PPP1R13B: variants seen among roughly 807,000 people sequenced by gnomAD.
The protein encoded by PPP1R13B is protein phosphatase 1 regulatory subunit 13B.
In PPP1R13B, 44 loss-of-function variants were observed where a neutral mutation model predicts 119.8. That is an observed-to-expected ratio of 0.37 (90% CI 0.29 to 0.47). The LOEUF (loss-of-function observed/expected upper bound fraction) is 0.47, where lower values mean the gene tolerates loss of function less well. Ranked by LOEUF, PPP1R13B falls within the 20% of genes least tolerant of loss-of-function variation. The probability of loss-of-function intolerance (pLI) is 0.99; values close to 1 mark genes in which losing one functional copy is unlikely to be tolerated. For synonymous variants in PPP1R13B, 542 were observed against 561.5 expected, an observed-to-expected ratio of 0.97 and a Z score of 0.49; for missense variants, 1,227 against 1,413.5, an observed-to-expected ratio of 0.87 and a Z score of 2.12.
chr14:103,784,119 T>C (rs964122975), intron 3 of PPP1R13B, among the ~76,000 whole-genome samples: 1 of 152,132 alleles, frequency 6.6e-6, no homozygotes, highest in Non-Finnish European at 1.5e-5. Flanking sequence ...GAGGTTGCAG[T>C]GAGCTGAGAT....
intron 11 of PPP1R13B, among the ~76,000 whole-genome samples, chr14:103,741,450 G>A (rs532627994): frequency 1.3e-5 from 2 of 152,292 alleles, no homozygotes; most frequent in Admixed American, 6.5e-5. Context: ...CACCCTCTAC[G>A]CACTGGACAG....
intron 8 of PPP1R13B, 127 bp downstream of exon 8, chr14:103,749,667 G>A (rs925965201): frequency 1.0e-6 from 1 of 965,180 alleles, no homozygotes; most frequent in Non-Finnish European, 1.5e-6. Flanking sequence ...CATTTTTGAT[G>A]GTTTATGGCC....
Position 103,746,291 on chromosome 14 carries a change from T to TGGGGGGGGGGGGGGGGGGGG in PPP1R13B, c.1150+81_1150+82insCCCCCCCCCCCCCCCCCCCC. 36 of 272,098 alleles carry TGGGGGGGGGGGGGGGGGGGG rather than the reference T, an allele frequency of 1.3e-4. 6 individuals carry two copies. The highest frequency in any genetic ancestry group is 2.6e-4 in the Non-Finnish European group (35 of 133,688). The allele number at this position is 272,098 out of a possible 1,614,324, so 16.9% of individuals were successfully genotyped here. On this transcript the variant is annotated intron_variant, in intron 9 of 16. Coordinates refer to ENST00000202556, the MANE Select transcript of PPP1R13B (RefSeq NM_015316.3). ...TGTGTGGGGCAGAGCCTCAGGAGCC[T>TGGGGGGGGGGGGGGGGGGGG]GCCCCACCCCCCGCCCCTCCACCGC...
At chr14:103,792,409 C>T (rs2085645291) in intron 2 of PPP1R13B, among the ~76,000 whole-genome samples, 1 of 152,106 alleles carries the variant, frequency 6.6e-6, no homozygotes, top group African/African-American at 2.4e-5. Context: ...AAGTTCTGGG[C>T]TCAAGCAATC....
intron 1 of PPP1R13B, among the ~76,000 whole-genome samples, chr14:103,825,975 G>T (rs1333793345): frequency 6.6e-6 from 1 of 151,942 alleles, no homozygotes; most frequent in Non-Finnish European, 1.5e-5. Flanking sequence ...CTCCAGAGTA[G>T]CTGAAATTAC....
chr14:103,835,223 A>G (rs1258115483), intron 1 of PPP1R13B, among the ~76,000 whole-genome samples: 1 of 151,918 alleles, frequency 6.6e-6, no homozygotes, highest in Non-Finnish European at 1.5e-5. Flanking sequence ...CCCAGGCTCA[A>G]GCGATCCTCC....
At chr14:103,809,602 C>T (rs1248670414) in intron 1 of PPP1R13B, among the ~76,000 whole-genome samples, 1 of 151,954 alleles carries the variant, frequency 6.6e-6, no homozygotes, top group East Asian at 2.0e-4. Flanking sequence ...GGGCAGGCTG[C>T]TCGAGCTCAG....
intron 9 of PPP1R13B, chr14:103,744,108 C>T (rs1401825366): frequency 6.6e-6 from 1 of 152,196 alleles, no homozygotes; most frequent in Non-Finnish European, 1.5e-5. Context: ...GGCCTGTGGT[C>T]TCAGGGTCAC....
At chr14:103,798,618 A>G (rs1418262761) in intron 1 of PPP1R13B, among the ~76,000 whole-genome samples, 1 of 152,226 alleles carries the variant, frequency 6.6e-6, no homozygotes, top group Non-Finnish European at 1.5e-5. Context: ...GTGTATTAAT[A>G]TATCACAGTA....
intron 15 of PPP1R13B, chr14:103,737,481 T>C (rs2084142661): frequency 6.2e-6 from 3 of 486,680 alleles, no homozygotes; most frequent in Non-Finnish European, 1.1e-5. Flanking sequence ...GAGGCTGAAG[T>C]GGGAGGATCA....
At chr14:103,794,897 C>G (rs796322419) in intron 2 of PPP1R13B, among the ~76,000 whole-genome samples, 1 of 152,290 alleles carries the variant, frequency 6.6e-6, no homozygotes, top group African/African-American at 2.4e-5. Flanking sequence ...TTCCCGCCTT[C>G]AGGAATTTTA....
chr14:103,847,216 G>C (rs1287168084), intron 1 of PPP1R13B, 83 bp downstream of exon 1: 1 of 1,065,426 alleles, frequency 9.4e-7, no homozygotes, highest in Non-Finnish European at 1.1e-6. Flanking sequence ...CGGCCCGCGG[G>C]GGCTGGGAGC....
At chr14:103,823,445 G>A (rs1285904159) in intron 1 of PPP1R13B, among the ~76,000 whole-genome samples, 1 of 152,100 alleles carries the variant, frequency 6.6e-6, no homozygotes, top group Non-Finnish European at 1.5e-5. Context: ...GGGGAGGGAT[G>A]GAGAAGGGAG....
At chr14:103,778,941 T>C in intron 3 of PPP1R13B, 120 bp from the exon 4 acceptor site, 2 of 780,196 alleles carry the variant, frequency 2.6e-6, no homozygotes, top group Non-Finnish European at 2.1e-6. Context: ...GGCTGAGAAA[T>C]TCAAGACTTT....
chr14:103,848,289 GAGGTCC>G (rs2087121950), upstream of PPP1R13B: 8 of 985,322 alleles, frequency 8.1e-6, no homozygotes, highest in Non-Finnish European at 8.4e-6. Flanking sequence ...AGCATCCCTC[GAGGTCC>G]AGCTCCAGCG....
In PPP1R13B at chr14:103,735,271, C is replaced by A. The variant is rs76225280; in HGVS notation, c.3232-76G>T. 1,444 of 1,474,178 alleles carry A rather than the reference C, an allele frequency of 9.8e-4. 21 individuals are homozygous for A. In the East Asian group the frequency reaches 0.027, roughly 28 times the overall value. 91.3% of individuals were successfully genotyped at this position (1,474,178 alleles called of 1,614,324 possible). Reference sequence around the variant, plus strand: ...GGGCCAGCCAGACCCGACCCCTGCTCCTCACCTCAGCCACCCTGGACAGCC... The same window carrying A: ...GGGCCAGCCAGACCCGACCCCTGCTACTCACCTCAGCCACCCTGGACAGCC... On this transcript the variant is annotated intron_variant, in intron 16 of 16. Transcript: ENST00000202556.
chr14:103,736,299 C>G, intron 15 of PPP1R13B, 97 bp from the exon 16 acceptor site: 1 of 1,347,548 alleles, frequency 7.4e-7, no homozygotes, highest in Non-Finnish European at 1.0e-6. Context: ...GCTGCCGAGG[C>G]TGCTCTCAGC....
chr14:103,780,102 T>C lies in PPP1R13B; in HGVS notation c.278-1281A>G, dbSNP rs577034456. Among the ~76,000 whole-genome samples, 9 of 151,118 alleles carry C rather than the reference T, an allele frequency of 6.0e-5. No homozygotes were observed. The South Asian group carries it at 1.1e-3, about 18-fold the overall frequency. On this transcript the variant is annotated intron_variant, in intron 3 of 16. Coordinates refer to ENST00000202556, the MANE Select transcript of PPP1R13B (RefSeq NM_015316.3). ...AGGCGGAGGTTGCAGTGAGCTGAGA[T>C]AGCACCACTGCACACCAGCCTGGGC...
At chr14:103,788,875 G>A (rs770573278) in intron 2 of PPP1R13B, among the ~76,000 whole-genome samples, 1 of 152,134 alleles carries the variant, frequency 6.6e-6, no homozygotes, top group Non-Finnish European at 1.5e-5. Context: ...AATGTCAACA[G>A]TGGTCTCTCA....
Sources: gnomAD v4.1 joint callset for allele counts (sites outside exome capture counted in the v4.1 genomes callset) on GRCh38, gnomAD v4.1.1 for gene constraint, MANE v1.5 for transcripts, NCBI Gene and HGNC (gene_info 2026-07-23, HGNC 2026-07-21) for gene names.